The following TTLL7 variants were observed in gnomAD, a reference collection of about 807,000 sequenced individuals.
The protein encoded by TTLL7 is tubulin polyglutamylase TTLL7.
TTLL7 carries 53 observed loss-of-function variants against 120.2 expected under a neutral mutation model. That is an observed-to-expected ratio of 0.44 (90% CI 0.35 to 0.55). The LOEUF (loss-of-function observed/expected upper bound fraction) is 0.55. TTLL7 is among the 20% of genes least tolerant of loss of function. The pLI is 0.00. For synonymous variants in TTLL7, 353 were observed against 351.7 expected, an observed-to-expected ratio of 1.00 and a Z score of -0.04; for missense variants, 803 against 1,054.7, an observed-to-expected ratio of 0.76 and a Z score of 3.31.
intron 1 of TTLL7, chr1:83,980,083 T>A (rs1026685793): frequency 6.6e-6 from 1 of 152,344 alleles, no homozygotes; most frequent in Non-Finnish European, 1.5e-5. Flanking sequence ...TAGGGCTTAA[T>A]TCATCTTTTA....
At chr1:83,873,989 T>C (rs1424715732) in intron 20 of TTLL7, among the ~76,000 whole-genome samples, 3 of 152,108 alleles carry the variant, frequency 2.0e-5, no homozygotes, top group Non-Finnish European at 4.4e-5. Flanking sequence ...ATGAGTGTAC[T>C]ATTAAATAGT....
intron 20 of TTLL7, among the ~76,000 whole-genome samples, chr1:83,873,205 C>G (rs369018634): frequency 6.6e-6 from 1 of 151,992 alleles, no homozygotes; most frequent in Admixed American, 6.6e-5. Context: ...AAAAGAAGTT[C>G]GGCATGAACT....
In TTLL7 at chr1:83,926,905, G is replaced by A. The variant is rs573266891; in HGVS notation, c.1142+2231C>T. Among the ~76,000 whole-genome samples the A allele has an allele frequency of 1.4e-3, 212 of 152,116 alleles. 1 individual carries two copies. In the South Asian group the frequency reaches 0.016, roughly 12 times the overall value. On this transcript the variant is annotated intron_variant, in intron 10 of 20. Coordinates refer to ENST00000260505, the MANE Select transcript of TTLL7 (RefSeq NM_024686.6). ...CCAGTAAAACCATCACAGAATGATT[G>A]GATTTTCCTTTTATTAGAGAAAAAA... is the stretch of plus-strand genomic sequence containing the variant.
intron 1 of TTLL7, among the ~76,000 whole-genome samples, chr1:83,960,428 G>A (rs573725427): frequency 6.6e-6 from 1 of 152,232 alleles, no homozygotes; most frequent in Admixed American, 6.5e-5. Flanking sequence ...TGCTATTGCA[G>A]TATTAGCAGA....
chr1:83,956,491 A>C (rs1040082013), intron 1 of TTLL7, among the ~76,000 whole-genome samples: 3 of 149,176 alleles, frequency 2.0e-5, no homozygotes, highest in African/African-American at 7.4e-5. Flanking sequence ...GCAATGGCAC[A>C]ATCTTGGCTC....
At chr1:83,939,720 T>C (rs1179101245) in intron 7 of TTLL7, among the ~76,000 whole-genome samples, 1 of 152,198 alleles carries the variant, frequency 6.6e-6, no homozygotes, top group Non-Finnish European at 1.5e-5. Flanking sequence ...TTTATTATAT[T>C]TCAATGTTTG....
At chr1:83,895,844 T>C (rs1656169665) in intron 18 of TTLL7, among the ~76,000 whole-genome samples, 2 of 152,190 alleles carry the variant, frequency 1.3e-5, no homozygotes, top group African/African-American at 4.8e-5. Context: ...CAGATTCATT[T>C]CTAGTCAAAT....
intron 1 of TTLL7, among the ~76,000 whole-genome samples, chr1:83,961,924 T>C (rs566603301): frequency 6.6e-6 from 1 of 152,244 alleles, no homozygotes; most frequent in African/African-American, 2.4e-5. Flanking sequence ...TTGAACTTCA[T>C]ATCCCCAAAA....
Position 83,933,699 on chromosome 1 carries a change from G to C in TTLL7, c.956C>G (p.Pro319Arg). Residue 319 changes from proline to arginine, a missense_variant, in exon 9 of 21, where the codon CCT (proline) becomes CGT (arginine). Transcript: ENST00000260505. ...HVLHAYRMCRPGQPPGSESVC... is the reference protein window; with the variant it reads ...HVLHAYRMCRRGQPPGSESVC... ...ACTTTCGCTTCCTGGAGGTTGACCA[G>C]GTCTACACATTCGATAGGCATGCAG... 1.2e-6 allele frequency: 2 copies of C among 1,613,724 alleles called. No homozygotes were observed. Among genetic ancestry groups the C allele is most frequent in the Non-Finnish European group, 1.7e-6 (2 of 1,179,746 alleles).
chr1:83,897,438 T>A (rs1250815051), intron 18 of TTLL7, among the ~76,000 whole-genome samples: 2 of 152,064 alleles, frequency 1.3e-5, no homozygotes, highest in African/African-American at 2.4e-5. Flanking sequence ...AAATTGGCAA[T>A]CAATAAATGT....
intron 1 of TTLL7, among the ~76,000 whole-genome samples, chr1:83,963,078 T>TA (rs1650148472): frequency 6.6e-6 from 1 of 152,176 alleles, no homozygotes; most frequent in African/African-American, 2.4e-5. Flanking sequence ...TATTTTCTTG[T>TA]AACCATAATC....
At chr1:83,919,930 T>C in intron 12 of TTLL7, 96 bp from the exon 13 acceptor site, 1 of 1,169,744 alleles carries the variant, frequency 8.5e-7, no homozygotes, top group Non-Finnish European at 1.2e-6. Flanking sequence ...CCATCTATTC[T>C]ATACCAGTCA....
intron 18 of TTLL7, among the ~76,000 whole-genome samples, chr1:83,895,925 C>T (rs4907188): frequency 0.51 from 77,457 of 151,676 alleles, 20,440 homozygotes; most frequent in Non-Finnish European, 0.59. Flanking sequence ...TTTATGGCCA[C>T]GGAGTAAGGA....
chr1:83,937,344 G>C (rs557849733), intron 8 of TTLL7, among the ~76,000 whole-genome samples: 1 of 151,940 alleles, frequency 6.6e-6, no homozygotes, highest in Non-Finnish European at 1.5e-5. Flanking sequence ...TGGGATTACA[G>C]GAGCGCGCCA....
intron 1 of TTLL7, among the ~76,000 whole-genome samples, chr1:83,983,287 C>T (rs1304073126): frequency 2.6e-5 from 4 of 152,060 alleles, no homozygotes; most frequent in Admixed American, 6.5e-5. Flanking sequence ...GCCGAGATCA[C>T]GCCACTGCAC....
chr1:83,906,622 A>G (rs1324826222), intron 16 of TTLL7, 159 bp from the exon 17 acceptor site: 2 of 952,946 alleles, frequency 2.1e-6, no homozygotes, highest in African/African-American at 3.3e-5. Flanking sequence ...AATTCTTTGG[A>G]TTAAATGGAT....
At chr1:83,980,207 A>G (rs934672253) in intron 1 of TTLL7, 23 of 152,296 alleles carry the variant, frequency 1.5e-4, no homozygotes, top group African/African-American at 5.5e-4. Flanking sequence ...AAAAAAAATT[A>G]CACTTCCCTC....
chr1:83,906,911 T>C (rs1367910261), intron 16 of TTLL7, among the ~76,000 whole-genome samples: 4 of 152,106 alleles, frequency 2.6e-5, no homozygotes, highest in African/African-American at 9.6e-5. Flanking sequence ...AGCTATCTAT[T>C]TGAGCATCTA....
chr1:83,952,811 T>C (rs1327028939), intron 1 of TTLL7, among the ~76,000 whole-genome samples: 1 of 152,208 alleles, frequency 6.6e-6, no homozygotes, highest in Non-Finnish European at 1.5e-5. Flanking sequence ...TGTGTATCTT[T>C]ACAAAGAAAA....
Sources: gnomAD v4.1 joint callset for allele counts (sites outside exome capture counted in the v4.1 genomes callset) on GRCh38, gnomAD v4.1.1 for gene constraint, MANE v1.5 for transcripts, NCBI Gene and HGNC (gene_info 2026-07-23, HGNC 2026-07-21) for gene names.